CFAP61: variants seen among roughly 807,000 people sequenced by gnomAD.
CFAP61 encodes cilia and flagella associated protein 61.
Under a neutral mutation model 135.6 loss-of-function variants are expected in CFAP61, and 107 were observed. The ratio of observed to expected loss-of-function variants is 0.79; its 90% CI spans 0.67 to 0.93. CFAP61 has a LOEUF of 0.93. CFAP61 is among the 40% of genes least tolerant of loss of function. The probability of loss-of-function intolerance (pLI) is 0.00; values close to 1 mark genes in which losing one functional copy is unlikely to be tolerated. For synonymous variants in CFAP61, 575 were observed against 578.5 expected (o/e 0.99, Z 0.09); for missense variants, 1,507 against 1,556.2 (o/e 0.97, Z 0.53).
intron 22 of CFAP61, among the ~76,000 whole-genome samples, chr20:20,286,457 C>A (rs545575272): frequency 6.6e-6 from 1 of 152,354 alleles, no homozygotes; most frequent in African/African-American, 2.4e-5. Flanking sequence ...AAGTGTTTGT[C>A]TGAATGCATG....
At chr20:20,214,158 C>T (rs1039171423) in intron 17 of CFAP61, 3 of 152,194 alleles carry the variant, frequency 2.0e-5, no homozygotes, top group African/African-American at 7.2e-5. Context: ...TCTCAGGATA[C>T]TGGACAGAGA....
chr20:20,073,519 C>T (rs537112541), intron 3 of CFAP61, among the ~76,000 whole-genome samples: 3 of 152,168 alleles, frequency 2.0e-5, no homozygotes, highest in Non-Finnish European at 4.4e-5. Flanking sequence ...ATATAGGTAC[C>T]AGCACCACCC....
At chr20:20,226,712 C>T (rs751785076) in intron 17 of CFAP61, among the ~76,000 whole-genome samples, 1 of 152,198 alleles carries the variant, frequency 6.6e-6, no homozygotes, top group Non-Finnish European at 1.5e-5. Context: ...AAGAAGGCTT[C>T]TCTTCTTCAA....
At chr20:20,200,909 G>A in intron 17 of CFAP61, 1 of 985,268 alleles carries the variant, frequency 1.0e-6, no homozygotes, top group Non-Finnish European at 1.2e-6. Flanking sequence ...GAGGGATGGG[G>A]AGGGCACCTC....
intron 25 of CFAP61, among the ~76,000 whole-genome samples, chr20:20,305,387 T>C (rs2056408522): frequency 6.6e-6 from 1 of 152,234 alleles, no homozygotes; most frequent in Non-Finnish European, 1.5e-5. Context: ...GACTTTAAAA[T>C]GTTTTTCTGC....
intron 20 of CFAP61, among the ~76,000 whole-genome samples, chr20:20,260,588 A>C (rs1198159475): frequency 1.3e-5 from 2 of 152,248 alleles, no homozygotes; most frequent in African/African-American, 4.8e-5. Flanking sequence ...ATTTAAGTGC[A>C]CACAAGAATT....
At chr20:20,357,175 A>AC (rs1441615194) in intron 26 of CFAP61, among the ~76,000 whole-genome samples, 2 of 91,610 alleles carry the variant, frequency 2.2e-5, no homozygotes. Context: ...GGTCACACTG[A>AC]GGGGAGGTGG....
rs549841300 is a variant in CFAP61, at chr20:20,288,323, G to A, written c.2797-286G>A. Reference sequence around the variant, plus strand: ...TCTGTACAAATGTAAACCCTCTTCCGCCGAAAACCACTCACACTTTTGTGG... The same window carrying A: ...TCTGTACAAATGTAAACCCTCTTCCACCGAAAACCACTCACACTTTTGTGG... On this transcript the variant is annotated intron_variant, in intron 22 of 26. Coordinates refer to ENST00000245957, the MANE Select transcript of CFAP61 (RefSeq NM_015585.4). 5.3e-5 allele frequency among the ~76,000 whole-genome samples: 8 copies of A among 152,216 alleles called. No individual in the cohort carries two copies. In the East Asian group the frequency reaches 5.8e-4, roughly 11 times the overall value.
At chr20:20,340,993 T>G (rs181029105) in intron 25 of CFAP61, among the ~76,000 whole-genome samples, 1 of 152,128 alleles carries the variant, frequency 6.6e-6, no homozygotes, top group East Asian at 1.9e-4. Flanking sequence ...AACTTTTACG[T>G]CTTGGAAAAC....
intron 25 of CFAP61, among the ~76,000 whole-genome samples, chr20:20,331,045 T>G (rs1689408158): frequency 6.6e-6 from 1 of 152,366 alleles, no homozygotes; most frequent in African/African-American, 2.4e-5. Context: ...GTCTCATAAT[T>G]TCTTCTACAA....
intron 9 of CFAP61, among the ~76,000 whole-genome samples, chr20:20,150,053 G>C (rs960869938): frequency 2.0e-5 from 3 of 152,130 alleles, no homozygotes; most frequent in African/African-American, 7.2e-5. Context: ...TGGCAAGAGC[G>C]AGACTGGCCT....
intron 9 of CFAP61, among the ~76,000 whole-genome samples, chr20:20,154,793 A>AT (rs1415603769): frequency 6.6e-6 from 1 of 152,154 alleles, no homozygotes; most frequent in East Asian, 1.9e-4. Flanking sequence ...ACAAATGGAA[A>AT]CACATCCCAT....
intron 8 of CFAP61, among the ~76,000 whole-genome samples, chr20:20,100,571 C>T (rs1172545656): frequency 6.6e-6 from 1 of 152,170 alleles, no homozygotes; most frequent in East Asian, 1.9e-4. Flanking sequence ...ATGTTAGAAT[C>T]TATGTGTTGT....
At chr20:20,163,684 A>G (rs2053586141) in intron 10 of CFAP61, among the ~76,000 whole-genome samples, 1 of 151,590 alleles carries the variant, frequency 6.6e-6, no homozygotes, top group African/African-American at 2.4e-5. Flanking sequence ...TACATGTGCC[A>G]TGGTGGTTTG....
intron 8 of CFAP61, among the ~76,000 whole-genome samples, chr20:20,140,348 C>T (rs1458890426): frequency 6.8e-6 from 1 of 146,436 alleles, no homozygotes; most frequent in Non-Finnish European, 1.5e-5. Flanking sequence ...CCCACCTCCC[C>T]CCACCCCACA....
chr20:20,113,966 C>CAAAA (rs11456473), intron 8 of CFAP61, among the ~76,000 whole-genome samples: 7 of 94,510 alleles, frequency 7.4e-5, no homozygotes, highest in African/African-American at 1.2e-4. Context: ...CATGAGAGCT[C>CAAAA]AAAAAAAAAA....
At chr20:20,133,807 A>G (rs772572082) in intron 8 of CFAP61, among the ~76,000 whole-genome samples, 9 of 152,218 alleles carry the variant, frequency 5.9e-5, no homozygotes, top group Non-Finnish European at 8.8e-5. Flanking sequence ...GGAATTGTCA[A>G]CGTATTAAGC....
intron 25 of CFAP61, among the ~76,000 whole-genome samples, chr20:20,302,759 T>C (rs1333647466): frequency 6.6e-6 from 1 of 152,210 alleles, no homozygotes; most frequent in Non-Finnish European, 1.5e-5. Context: ...AAGTGTGTAA[T>C]AGTTGCCATA....
In CFAP61 at chr20:20,337,892, C is replaced by T. The variant is rs112401757; in HGVS notation, c.3423-3939C>T. Among the ~76,000 whole-genome samples, 190 of 152,220 alleles carry T rather than the reference C, an allele frequency of 1.2e-3. 1 individual carries two copies. Among genetic ancestry groups the T allele is most frequent in the African/African-American group, 4.5e-3 (186 of 41,520 alleles). The stretch of plus-strand genomic sequence containing the variant: ...GACTGGTGGGAAAGCAAGGACGAAC[C>T]ACGGAGGCCATCCCTGGCAACTGAG... On this transcript the variant is annotated intron_variant, in intron 25 of 26. Coordinates refer to ENST00000245957, the MANE Select transcript of CFAP61 (RefSeq NM_015585.4).
Sources: gnomAD v4.1 joint callset for allele counts (sites outside exome capture counted in the v4.1 genomes callset) on GRCh38, gnomAD v4.1.1 for gene constraint, MANE v1.5 for transcripts, NCBI Gene and HGNC (gene_info 2026-07-23, HGNC 2026-07-21) for gene names.